EML3: variants seen among roughly 807,000 people sequenced by gnomAD.
EML3 encodes echinoderm microtubule-associated protein-like 3.
In EML3, 53 loss-of-function variants were observed where a neutral mutation model predicts 106.7. That is an observed-to-expected ratio of 0.50 (90% confidence interval 0.40 to 0.62). EML3 has a LOEUF of 0.62. Among genes scored for constraint, EML3 ranks in the 20% least tolerant of loss-of-function variants. EML3 has a pLI of 0.00. For missense variants in EML3, 994 were observed against 1,209.1 expected, an observed-to-expected ratio of 0.82 and a Z score of 2.64; for synonymous variants, 499 against 489.6, an observed-to-expected ratio of 1.02 and a Z score of -0.25.
rs749852650 is a variant in EML3, at chr11:62,603,959, G to A, written c.2154C>T (p.Arg718=). The A allele has an allele frequency of 6.2e-7, 1 of 1,614,108 alleles. No homozygotes were observed. Among genetic ancestry groups the A allele is most frequent in the South Asian group, 1.1e-5 (1 of 91,082 alleles). The change falls in exon 18 of 22, where the codon CGC becomes CGT. Residue 718 remains arginine, a synonymous_variant. Coordinates refer to ENST00000394773, the MANE Select transcript of EML3 (RefSeq NM_153265.3). ...ACTTCCTCACCATACAGCGGCCAAAGCGGCTGGATTTGGCACCATCACTGG... is the reference window on the plus strand; with the variant it reads ...ACTTCCTCACCATACAGCGGCCAAAACGGCTGGATTTGGCACCATCACTGG... ...SVSSDGAKSS[R]FGRCMGHSSF...
chr11:62,608,827 C>T (rs1565062523), intron 7 of EML3, 22 bp from the exon 8 acceptor site: 3 of 1,565,424 alleles, frequency 1.9e-6, no homozygotes, highest in Non-Finnish European at 2.6e-6. Flanking sequence ...GGAAGACACT[C>T]TAGGGAAAGG....
rs372775085 is a variant in EML3 at position 62,610,044 on chromosome 11, G to A, written c.567-348C>T. Among the ~76,000 whole-genome samples the A allele has an allele frequency of 5.3e-4, 81 of 152,246 alleles. No individual in the cohort carries two copies. In the South Asian group the frequency reaches 0.014, roughly 27 times the overall value. ...GCGACCTCAGCTCACTGCAACCTCC[G>A]CCTCCTGGGTTCAAGCAATTCTCCT... On this transcript the variant is annotated intron_variant, in intron 4 of 21. Transcript: ENST00000394773.
rs759626856 is a variant in EML3, at chr11:62,610,912, G to A, written c.533C>T (p.Ala178Val). The change falls in exon 4 of 22, where the codon GCC becomes GTC. Residue 178 changes from alanine to valine, a missense_variant. By Grantham distance (64) the Ala-to-Val change is moderately conservative (BLOSUM62 0). Around this residue, in one of 3 missense-constraint regions of EML3, gnomAD observed 269 missense variants for 265.1 expected, o/e 1.01. Coordinates refer to ENST00000394773, the MANE Select transcript of EML3 (RefSeq NM_153265.3). ...QKLSRKAISS[A>V]NLLVRSGSTE... Reference sequence around the variant, plus strand: ...GCTCCCGGACCGCACTAACAGGTTGGCGGAGGAGATTGCCTTCCTGGAGAG... The same window carrying A: ...GCTCCCGGACCGCACTAACAGGTTGACGGAGGAGATTGCCTTCCTGGAGAG... The A allele has an allele frequency of 1.1e-5, 18 of 1,612,872 alleles. No homozygotes were observed. In the South Asian group the frequency reaches 2.0e-4, roughly 18 times the overall value.
rs1381054845 is a variant in EML3, at chr11:62,605,077, C to T, written c.1982+36G>A. The T allele has an allele frequency of 1.3e-6, 2 of 1,597,696 alleles. No individual in the cohort carries two copies. Among genetic ancestry groups the T allele is most frequent in the South Asian group, 1.1e-5 (1 of 89,190 alleles). On this transcript the variant is annotated intron_variant, in intron 16 of 21. Coordinates refer to ENST00000394773, the MANE Select transcript of EML3 (RefSeq NM_153265.3). The surrounding 1 kb of genome is among the most constrained non-coding windows in gnomAD (Gnocchi z 5.2). ...TACCAGGAACCCTTCCCAGTCCTCC[C>T]TGCTTTCCCTCCTGGGAGTCCTGGC... is the stretch of plus-strand genomic sequence containing the variant.
At chr11:62,603,578 T>C in intron 19 of EML3, 151 bp downstream of exon 19, 1 of 687,738 alleles carries the variant, frequency 1.5e-6, no homozygotes. Context: ...AAACTAGTTG[T>C]TTCCAAATCA....
At chr11:62,609,541 A>C in intron 5 of EML3, 64 bp from the exon 6 acceptor site, 2 of 1,551,550 alleles carry the variant, frequency 1.3e-6, no homozygotes, top group South Asian at 2.5e-5. Flanking sequence ...AACCCTACCC[A>C]CCACACCTAC....
At chr11:62,603,332 G>C in intron 19 of EML3, 85 bp from the exon 20 acceptor site, 1 of 1,316,332 alleles carries the variant, frequency 7.6e-7, no homozygotes. Flanking sequence ...GGAAAGACTG[G>C]CATGAAACCC....
At position 62,610,893 on chromosome 11, in the gene EML3, G is replaced by A. The variant is rs773120854; in HGVS notation, c.552C>T (p.Ser184=). ...AISSANLLVR[S]GSTESRGGKD... ...GCCTCACCCACCTCTCTGTGCTCCC[G>A]GACCGCACTAACAGGTTGGCGGAGG... The change falls in exon 4 of 22, where the codon TCC becomes TCT. Residue 184 remains serine, a synonymous_variant. Transcript: ENST00000394773. 2.9e-5 allele frequency: 46 copies of A among 1,610,622 alleles called. No homozygotes were observed. Among genetic ancestry groups the A allele is most frequent in the Admixed American group, 8.4e-5 (5 of 59,638 alleles).
rs1326469783 is a variant in EML3, at chr11:62,606,054, A to AGCCCT, written c.1656+4_1656+8dup. 1 of 1,613,870 alleles carries AGCCCT rather than the reference A, an allele frequency of 6.2e-7. No individual in the cohort carries two copies. Among genetic ancestry groups the AGCCCT allele is most frequent in the Non-Finnish European group, 8.5e-7 (1 of 1,179,926 alleles). On this transcript the variant is annotated intron_variant, in intron 13 of 21. Transcript: ENST00000394773. ...TCCCTCACTCCCTTGACCCCAGCCC[A>AGCCCT]GCCCTCACCTCAGCCTCCTGGAGGG...
In EML3 at chr11:62,602,649, G is replaced by A. The variant is rs1231749764; in HGVS notation, c.2517C>T (p.Gly839=). ...TGAATCGGACGCTGGTCACGTGGCT[G>A]CCGTGGCCCCCGTACATGCGGCTCG... ...KAPSRMYGGH[G]SHVTSVRFTH... is the part of the protein sequence containing the mutation. The change falls in exon 22 of 22, where the codon GGC becomes GGT. Residue 839 remains glycine (G), a synonymous_variant. Coordinates refer to ENST00000394773, the MANE Select transcript of EML3 (RefSeq NM_153265.3). 2 of 1,594,832 alleles carry A rather than the reference G, an allele frequency of 1.3e-6. No individual in the cohort carries two copies. Among genetic ancestry groups the A allele is most frequent in the African/African-American group, 2.7e-5 (2 of 74,584 alleles).
chr11:62,603,672 C>A, intron 19 of EML3, 57 bp downstream of exon 19: 1 of 1,485,338 alleles, frequency 6.7e-7, no homozygotes, highest in South Asian at 1.2e-5. Context: ...ACAGCCCCCC[C>A]TACACAAAAC....
rs143250471 is a variant in EML3, at chr11:62,606,489, G to A, written c.1505-275C>T. The stretch of plus-strand genomic sequence containing the variant: ...ATCTGGCAAACACAAAGCTCCAGCC[G>A]TTTCTCCTTTGCTGTGCTGCCCACA... On this transcript the variant is annotated intron_variant, in intron 12 of 21. Transcript: ENST00000394773. The A allele has an allele frequency of 1.5e-4, 77 of 526,660 alleles. 1 individual carries two copies. Among genetic ancestry groups the A allele is most frequent in the South Asian group, 1.4e-3 (63 of 44,010 alleles). 32.6% of individuals were successfully genotyped at this position (526,660 alleles called of 1,614,324 possible). A position where few individuals can be genotyped will look rare whatever the true frequency, so the allele number is the denominator to read the frequency against.
intron 16 of EML3, 68 bp from the exon 17 acceptor site, chr11:62,604,269 G>A (rs1942401666): frequency 4.2e-6 from 6 of 1,434,594 alleles, no homozygotes; most frequent in Non-Finnish European, 4.9e-6. Context: ...CCCCCAGGGA[G>A]GCCACCCTGG....
rs950970243 is a variant in EML3, at chr11:62,605,300, G to A, written c.1915-120C>T. ...CCCAAGGAGAAGATGGGAAGAGAGG[G>A]AAGGGATACCCGGGTATCACTGGAG... is the stretch of plus-strand genomic sequence containing the variant. On this transcript the variant is annotated intron_variant, in intron 15 of 21. Coordinates refer to ENST00000394773, the MANE Select transcript of EML3 (RefSeq NM_153265.3). The surrounding 1 kb of genome is among the most constrained non-coding windows in gnomAD (Gnocchi z 5.2). 1.3e-5 allele frequency: 13 copies of A among 1,021,120 alleles called. No homozygotes were observed. The Admixed American group carries it at 2.7e-4, about 21-fold the overall frequency. The allele number at this position is 1,021,120 out of a possible 1,614,324, so 63.3% of individuals were successfully genotyped here.
At position 62,605,701 on chromosome 11, in the gene EML3, G is replaced by A. The variant is rs375303962; in HGVS notation, c.1855C>T (p.Arg619Trp). ...TCCCCATCCCACAGGCAGAGCTGCCGGTCGTGGCCGCAGGTGAGGAAGCGG... is the reference window on the plus strand; with the variant it reads ...TCCCCATCCCACAGGCAGAGCTGCCAGTCGTGGCCGCAGGTGAGGAAGCGG... ...QNRFLTCGHD[R>W]QLCLWDGESH... Residue 619 changes from arginine (R) to tryptophan (W), a missense_variant, in exon 15 of 22, where the codon CGG becomes TGG. Physicochemically the swap from Arg to Trp is moderately radical, Grantham distance 101 (BLOSUM62 -3). This residue lies in a region of EML3 where 713 missense variants were observed against 920.5 expected (regional missense o/e 0.77). Coordinates refer to ENST00000394773, the MANE Select transcript of EML3 (RefSeq NM_153265.3). This position sits in a 1 kb window ranked among gnomAD's most constrained non-coding sequence, Gnocchi z 5.2. 2.4e-5 allele frequency: 38 copies of A among 1,598,568 alleles called. No individual in the cohort carries two copies. The highest frequency in any genetic ancestry group is 3.0e-5 in the Non-Finnish European group (35 of 1,171,784).
Position 62,605,055 on chromosome 11 carries a change from C to T in EML3, c.1982+58G>A. The T allele has an allele frequency of 6.4e-7, 1 of 1,553,014 alleles. No individual in the cohort carries two copies. The highest frequency in any genetic ancestry group is 8.7e-7 in the Non-Finnish European group (1 of 1,145,180). On this transcript the variant is annotated intron_variant, in intron 16 of 21. Coordinates refer to ENST00000394773, the MANE Select transcript of EML3 (RefSeq NM_153265.3). This position sits in a 1 kb window ranked among gnomAD's most constrained non-coding sequence, Gnocchi z 5.2. ...TCACTCTCGCCCACTCCCCCAGTAC[C>T]AGGAACCCTTCCCAGTCCTCCCTGC...
At chr11:62,606,351 C>T in intron 12 of EML3, 137 bp from the exon 13 acceptor site, 1 of 979,234 alleles carries the variant, frequency 1.0e-6, no homozygotes, top group Non-Finnish European at 1.5e-6. Context: ...CTCATACTGC[C>T]AACACATCTG....
chr11:62,605,020 G>A lies in EML3; in HGVS notation c.1982+93C>T, dbSNP rs376532779. Reference sequence around the variant, plus strand: ...GTGCCAAGGCGCAGGTGGCTCCTGGGTAGAGGTGGTCACTCTCGCCCACTC... The same window carrying A: ...GTGCCAAGGCGCAGGTGGCTCCTGGATAGAGGTGGTCACTCTCGCCCACTC... On this transcript the variant is annotated intron_variant, in intron 16 of 21. Transcript: ENST00000394773. This position sits in a 1 kb window ranked among gnomAD's most constrained non-coding sequence, Gnocchi z 5.2. 76 of 1,327,952 alleles carry A rather than the reference G, an allele frequency of 5.7e-5. No individual in the cohort carries two copies. The East Asian group carries it at 1.2e-3, about 22-fold the overall frequency. 82.3% of individuals were successfully genotyped at this position (1,327,952 alleles called of 1,614,324 possible).
chr11:62,605,101 GCTCT>G lies in EML3; in HGVS notation c.1982+8_1982+11del. The G allele has an allele frequency of 6.2e-7, 1 of 1,609,102 alleles. No individual in the cohort carries two copies. Among genetic ancestry groups the G allele is most frequent in the Non-Finnish European group, 8.5e-7 (1 of 1,177,558 alleles). ...CCTGCTTTCCCTCCTGGGAGTCCTG[GCTCT>G]CTCTCACCTCCCCGTGTTCAGTCCT... On this transcript the variant is annotated splice_region_variant and intron_variant, in intron 16 of 21. Coordinates refer to ENST00000394773, the MANE Select transcript of EML3 (RefSeq NM_153265.3). The surrounding 1 kb of genome is among the most constrained non-coding windows in gnomAD (Gnocchi z 5.2).
Sources: allele counts gnomAD v4.1 joint callset (sites outside exome capture counted in the v4.1 genomes callset), GRCh38; gene constraint gnomAD v4.1.1; regional missense constraint gnomAD v4.1.1; non-coding constraint Gnocchi (gnomAD v3.1); transcripts MANE v1.5; gene names NCBI Gene and HGNC (gene_info 2026-07-23, HGNC 2026-07-21).